Variants in DNAH7 observed in about 807,000 individuals in gnomAD.
DNAH7 encodes the protein axonemal beta dynein heavy chain 7.
In DNAH7, 397 loss-of-function variants were observed where a neutral mutation model predicts 444.6. That is an observed-to-expected ratio of 0.89 (90% CI 0.82 to 0.97). The LOEUF is 0.97. Ranked by LOEUF, DNAH7 falls within the 50% of genes least tolerant of loss-of-function variation. DNAH7 has a pLI of 0.00. For missense variants in DNAH7, 4,902 were observed against 4,800.8 expected, an observed-to-expected ratio of 1.02 and a Z score of -0.62; for synonymous variants, 1,636 against 1,624.4, an observed-to-expected ratio of 1.01 and a Z score of -0.17.
At position 195,864,507 on chromosome 2, in the gene DNAH7, A is replaced by G; in HGVS notation, c.7148T>C (p.Ile2383Thr). The change falls in exon 41 of 65, where the codon ATC (isoleucine) becomes ACC (threonine). Residue 2383 changes from isoleucine to threonine, a missense_variant. Physicochemically the swap from Ile to Thr is moderately conservative, Grantham distance 89. Transcript: ENST00000312428. ...TTEWHEDLKV[I>T]LRKCAEGEMQ... ...CTCACCTTCCGCACATTTCCTTAAGATCACTTTTAAATCTTCATGCCATTC... is the reference window on the plus strand; with the variant it reads ...CTCACCTTCCGCACATTTCCTTAAGGTCACTTTTAAATCTTCATGCCATTC... The G allele has an allele frequency of 6.2e-7, 1 of 1,614,188 alleles. No homozygotes were observed. Among genetic ancestry groups the G allele is most frequent in the Non-Finnish European group, 8.5e-7 (1 of 1,180,040 alleles).
intron 10 of DNAH7, among the ~76,000 whole-genome samples, chr2:196,004,872 GA>G (rs1360108659): frequency 6.7e-6 from 1 of 148,806 alleles, no homozygotes; most frequent in Middle Eastern, 3.4e-3. Flanking sequence ...GAGGTGGGAG[GA>G]TGGCTTGGGC....
intron 10 of DNAH7, among the ~76,000 whole-genome samples, chr2:196,007,830 C>T (rs1470420383): frequency 6.6e-6 from 1 of 152,150 alleles, no homozygotes; most frequent in Admixed American, 6.5e-5. Flanking sequence ...AACCTCTTTC[C>T]TTTATAAATT....
chr2:196,031,019 C>A (rs1575063377), intron 5 of DNAH7, among the ~76,000 whole-genome samples: 1 of 152,256 alleles, frequency 6.6e-6, no homozygotes, highest in East Asian at 1.9e-4. Flanking sequence ...CCCCACATTT[C>A]CCTTCTGCAC....
intron 46 of DNAH7, among the ~76,000 whole-genome samples, chr2:195,847,914 G>C (rs573374387): frequency 3.9e-5 from 6 of 152,292 alleles, no homozygotes; most frequent in African/African-American, 1.4e-4. Context: ...ACAGTCTGTA[G>C]GATGCTCAGG....
At position 195,796,740 on chromosome 2, in the gene DNAH7, G is replaced by A. The variant is rs778083599; in HGVS notation, c.10354-3C>T. 6.2e-7 allele frequency: 1 copy of A among 1,611,868 alleles called. No homozygotes were observed. Among genetic ancestry groups the A allele is most frequent in the Non-Finnish European group, 8.5e-7 (1 of 1,179,028 alleles). On this transcript the variant is annotated splice_region_variant and splice_polypyrimidine_tract_variant and intron_variant, in intron 55 of 64. Transcript: ENST00000312428. ...CTAAGTTTTGATCCCCCATATCCCTGTGTACAAGAATAGTAGAGATGTTAT... is the reference window on the plus strand; with the variant it reads ...CTAAGTTTTGATCCCCCATATCCCTATGTACAAGAATAGTAGAGATGTTAT...
rs1297000592 is a variant in DNAH7, at chr2:195,805,948, TA to T, written c.10176+791del. On this transcript the variant is annotated intron_variant, in intron 54 of 64. Coordinates refer to ENST00000312428, the MANE Select transcript of DNAH7 (RefSeq NM_018897.3). ...TACTTTGACAATCTAAATTCTGCTT[TA>T]TTTTTTTTTCTTTTGGTTAGGATGG... Among the ~76,000 whole-genome samples the T allele has an allele frequency of 3.9e-5, 6 of 152,324 alleles. No homozygotes were observed. In the East Asian group the frequency reaches 5.8e-4, roughly 15 times the overall value.
intron 17 of DNAH7, among the ~76,000 whole-genome samples, chr2:195,967,454 T>C (rs775671239): frequency 1.5e-4 from 23 of 152,278 alleles, no homozygotes; most frequent in Non-Finnish European, 2.9e-4. Flanking sequence ...TACCAGTGAG[T>C]TTTGTGCCTT....
At chr2:196,015,182 TA>T in intron 9 of DNAH7, among the ~76,000 whole-genome samples, 1 of 152,324 alleles carries the variant, frequency 6.6e-6, no homozygotes, top group South Asian at 2.1e-4. Flanking sequence ...CAAGCCTTAC[TA>T]ATAAAATGGG....
rs1701825174 is a variant in DNAH7, at chr2:195,888,352, G to A, written c.5312C>T (p.Pro1771Leu). The A allele has an allele frequency of 6.2e-7, 1 of 1,610,038 alleles. No individual in the cohort carries two copies. The change falls in exon 33 of 65, where the codon CCT (proline) becomes CTT (leucine). Residue 1771 changes from proline (P) to leucine (L), a missense_variant. By Grantham distance (98) the Pro-to-Leu change is moderately conservative. Coordinates refer to ENST00000312428, the MANE Select transcript of DNAH7 (RefSeq NM_018897.3). ...PLMLSWVNLL[P>L]ASVSVIQKEF... ...CTTTTGAATAACACTGACTGACGCA[G>A]GTAACAGATTCACCCAGGACAACAT... is the stretch of plus-strand genomic sequence containing the variant.
chr2:195,788,794 G>T (rs1013269595), intron 57 of DNAH7, among the ~76,000 whole-genome samples: 1 of 152,162 alleles, frequency 6.6e-6, no homozygotes, highest in Admixed American at 6.5e-5. Flanking sequence ...GGAGGTATTA[G>T]TATGAATTCA....
rs1701398444 is a variant in DNAH7 at position 195,881,820 on chromosome 2, C to T, written c.5936G>A (p.Gly1979Glu). 1 of 1,613,968 alleles carries T rather than the reference C, an allele frequency of 6.2e-7. No homozygotes were observed. The highest frequency in any genetic ancestry group is 8.5e-7 in the Non-Finnish European group (1 of 1,179,912). Residue 1979 changes from glycine to glutamate, a missense_variant, in exon 36 of 65, where the codon GGA becomes GAA. Transcript: ENST00000312428. Reference sequence around the variant, plus strand: ...CGTAATGTAAACACTTTTCCCAGTTCCTGTTGGTCCTACAAATATTGAAGG... The same window carrying T: ...CGTAATGTAAACACTTTTCCCAGTTTCTGTTGGTCCTACAAATATTGAAGG... ...QKPSIFVGPT[G>E]TGKSVYITNF...
intron 19 of DNAH7, among the ~76,000 whole-genome samples, chr2:195,953,411 G>C (rs1273085120): frequency 6.6e-6 from 1 of 152,214 alleles, no homozygotes. Flanking sequence ...AGGCACAGAG[G>C]TCAGGGGCCC....
chr2:195,985,691 AGT>A (rs1293642627), intron 14 of DNAH7, among the ~76,000 whole-genome samples: 1 of 152,216 alleles, frequency 6.6e-6, no homozygotes, highest in African/African-American at 2.4e-5. Context: ...AATGGGAAAA[AGT>A]AGAACTGGCA....
chr2:196,013,318 G>C (rs1694827046), intron 9 of DNAH7, among the ~76,000 whole-genome samples: 1 of 152,142 alleles, frequency 6.6e-6, no homozygotes, highest in African/African-American at 2.4e-5. Context: ...TGGATTGAAG[G>C]AGTCTCACAT....
At chr2:195,769,123 T>C (rs187713170) in intron 61 of DNAH7, among the ~76,000 whole-genome samples, 1 of 152,300 alleles carries the variant, frequency 6.6e-6, no homozygotes. Flanking sequence ...ATGAAGAGAA[T>C]GATGAAAGAA....
Position 195,845,058 on chromosome 2 carries a change from C to T in DNAH7, c.8889G>A (p.Trp2963Ter), listed in dbSNP as rs1247135666. The T allele has an allele frequency of 1.9e-6, 3 of 1,613,814 alleles. No individual in the cohort carries two copies. The Admixed American group carries it at 5.0e-5, about 27-fold the overall frequency. ...AGTCAGAAGGTAATCCAGCAATATT[C>T]CAAGTTCGAATTGTCACAGCTTCTC... ...TLGEAVTIRT[W>*]NIAGLPSDSF... The change falls in exon 47 of 65, where the codon TGG becomes TGA. Residue 2963 changes from tryptophan to a stop codon, truncating the protein, a stop_gained. Coordinates refer to ENST00000312428, the MANE Select transcript of DNAH7 (RefSeq NM_018897.3). LOFTEE classifies it high-confidence loss of function.
Position 196,051,597 on chromosome 2 carries a change from C to G in DNAH7, c.79-348G>C, listed in dbSNP as rs1418989637. Among the ~76,000 whole-genome samples the G allele has an allele frequency of 2.6e-5, 4 of 152,158 alleles. No individual in the cohort carries two copies. In the East Asian group the frequency reaches 7.7e-4, roughly 29 times the overall value. The stretch of plus-strand genomic sequence containing the variant: ...CCTGGCTAACATGGTGAAACCCCGT[C>G]TCTACTAAAAATACAAAAAATTAGC... On this transcript the variant is annotated intron_variant, in intron 2 of 64. Coordinates refer to ENST00000312428, the MANE Select transcript of DNAH7 (RefSeq NM_018897.3).
intron 40 of DNAH7, among the ~76,000 whole-genome samples, chr2:195,871,960 A>AAAAAAC (rs1700731481): frequency 8.3e-6 from 1 of 120,820 alleles, no homozygotes; most frequent in South Asian, 2.6e-4. Context: ...AAAAAAAAAA[A>AAAAAAC]AAAAAAAAAC....
intron 51 of DNAH7, among the ~76,000 whole-genome samples, chr2:195,814,699 T>G (rs952675473): frequency 2.0e-5 from 3 of 152,164 alleles, no homozygotes; most frequent in African/African-American, 7.2e-5. Context: ...ATTTATTGTG[T>G]GGCTATAATG....
Sources: allele counts gnomAD v4.1 joint callset (sites outside exome capture counted in the v4.1 genomes callset), GRCh38; gene constraint gnomAD v4.1.1; transcripts MANE v1.5; gene names NCBI Gene and HGNC (gene_info 2026-07-23, HGNC 2026-07-21).